RC3H2: variants seen among roughly 807,000 people sequenced by gnomAD.
RC3H2 encodes ring finger and CCCH-type domains 2, also known as roquin-2.
Under a neutral mutation model 133.3 loss-of-function variants are expected in RC3H2, and 31 were observed. The ratio of observed to expected loss-of-function variants is 0.23; its 90% CI spans 0.17 to 0.31. RC3H2 has a LOEUF of 0.31. Ranked by LOEUF, RC3H2 falls within the 10% of genes least tolerant of loss-of-function variation. RC3H2 has a pLI of 1.00. For missense variants in RC3H2, 1,175 were observed against 1,437.2 expected (o/e 0.82, Z 2.95); for synonymous variants, 517 against 502.2 (o/e 1.03, Z -0.40).
chr9:122,889,091 T>A (rs1832053601), intron 4 of RC3H2, among the ~76,000 whole-genome samples: 1 of 152,214 alleles, frequency 6.6e-6, no homozygotes. Flanking sequence ...TTTTTAGACA[T>A]ACCTTATATA....
chr9:122,865,009 T>C (rs1021793483), intron 10 of RC3H2, among the ~76,000 whole-genome samples: 4 of 152,236 alleles, frequency 2.6e-5, no homozygotes, highest in Admixed American at 2.6e-4. Context: ...CTGCTTAGGT[T>C]TCTATTTAGT....
chr9:122,861,146 A>G (rs1395251027), intron 10 of RC3H2, among the ~76,000 whole-genome samples: 1 of 152,184 alleles, frequency 6.6e-6, no homozygotes, highest in Non-Finnish European at 1.5e-5. Flanking sequence ...TGGTTGAGTC[A>G]CTAAGTAATC....
chr9:122,875,432 TATAA>T, intron 9 of RC3H2: 10 of 1,452,012 alleles, frequency 6.9e-6, no homozygotes, highest in East Asian at 2.5e-5. Context: ...AAAGGGTTTT[TATAA>T]ATAAAGTTTA....
At chr9:122,853,393 A>AAG (rs1554767389) in intron 18 of RC3H2, among the ~76,000 whole-genome samples, 7 of 151,268 alleles carry the variant, frequency 4.6e-5, no homozygotes, top group Admixed American at 2.0e-4. Context: ...AAAAAAAAAA[A>AAG]AAAAGAAAAA....
intron 10 of RC3H2, among the ~76,000 whole-genome samples, chr9:122,863,423 A>G (rs1830529987): frequency 6.6e-6 from 1 of 152,322 alleles, no homozygotes; most frequent in Admixed American, 6.5e-5. Flanking sequence ...AAGCCTTCAG[A>G]TCTAAAAGAC....
chr9:122,892,819 A>G (rs1190308004), intron 3 of RC3H2, 90 bp downstream of exon 3: 2 of 963,624 alleles, frequency 2.1e-6, no homozygotes, highest in South Asian at 1.5e-5. Flanking sequence ...CTCCTTTTCC[A>G]TAACTTAATA....
chr9:122,859,876 CAA>C, intron 11 of RC3H2, 39 bp downstream of exon 11: 1 of 1,435,646 alleles, frequency 7.0e-7, no homozygotes, highest in Non-Finnish European at 9.8e-7. Flanking sequence ...CTAAAGGAAA[CAA>C]TGTTTCTTTT....
At chr9:122,853,908 A>G (rs1296413121) in intron 18 of RC3H2, 44 bp downstream of exon 18, 1 of 1,614,242 alleles carries the variant, frequency 6.2e-7, no homozygotes, top group Admixed American at 1.7e-5. Context: ...AGCAGCAGAA[A>G]ACAAATACAT....
In RC3H2 at chr9:122,859,017, G is replaced by A; in HGVS notation, c.1935C>T (p.Ser645=). 6.2e-7 allele frequency: 1 copy of A among 1,613,920 alleles called. No homozygotes were observed. The highest frequency in any genetic ancestry group is 1.1e-5 in the South Asian group (1 of 91,056). ...RFVRSNNVPE[S]SLPPASMPYA... The stretch of plus-strand genomic sequence containing the variant: ...ATGGCATGGAAGCAGGTGGGAGGGA[G>A]GACTCTGGAACGTTATTGGACCTCA... Residue 645 remains serine, a synonymous_variant, in exon 12 of 21, where the codon TCC becomes TCT. Transcript: ENST00000357244.
intron 11 of RC3H2, among the ~76,000 whole-genome samples, 184 bp from the exon 12 acceptor site, chr9:122,859,286 G>T (rs1490298793): frequency 1.0e-5 from 1 of 98,678 alleles, no homozygotes; most frequent in Non-Finnish European, 1.8e-5. Flanking sequence ...GTAGAGACAG[G>T]GTCTTGCTAT....
chr9:122,852,619 C>T lies in RC3H2; in HGVS notation c.3118-1183G>A, dbSNP rs112778103. Among the ~76,000 whole-genome samples the T allele has an allele frequency of 3.8e-3, 575 of 150,714 alleles. 6 individuals are homozygous for T. The highest frequency in any genetic ancestry group is 0.013 in the African/African-American group (550 of 41,058). ...CCCCGGCCCGGCCAGCCGCCCTGAC[C>T]GGGAGGGAGGTGGAGGGGTCAGCTC... On this transcript the variant is annotated intron_variant, in intron 18 of 20. Transcript: ENST00000357244.
rs117069586 is a variant in RC3H2 at position 122,892,395 on chromosome 9, G to A, written c.349+514C>T. 4.8e-3 allele frequency among the ~76,000 whole-genome samples: 736 copies of A among 151,956 alleles called. 7 individuals carry two copies. The highest frequency in any genetic ancestry group is 0.027 in the South Asian group (130 of 4,814). ...TATAAAGTGCTCAGATTACAGGCATGAAGCCACCACACCCAGCTTGAATTC... is the reference window on the plus strand; with the variant it reads ...TATAAAGTGCTCAGATTACAGGCATAAAGCCACCACACCCAGCTTGAATTC... On this transcript the variant is annotated intron_variant, in intron 3 of 20. Transcript: ENST00000357244.
chr9:122,866,937 C>T (rs1830708169), intron 9 of RC3H2, among the ~76,000 whole-genome samples: 1 of 148,182 alleles, frequency 6.7e-6, no homozygotes. Context: ...TGCCCGGCCG[C>T]CATCCCATCT....
Position 122,897,357 on chromosome 9 carries a change from A to C in RC3H2, c.153T>G (p.Pro51=), listed in dbSNP as rs1385061590. 6.2e-7 allele frequency: 1 copy of C among 1,614,246 alleles called. No individual in the cohort carries two copies. The highest frequency in any genetic ancestry group is 2.2e-5 in the East Asian group (1 of 44,894). The stretch of plus-strand genomic sequence containing the variant: ...CTGTGTTGATGGCAGTCTGGTCAAA[A>C]GGACAAGCTTTTCGATGAAGTTTAT... ...CLNKLHRKAC[P]FDQTAINTDI... is the part of the protein sequence containing the mutation. Residue 51 remains proline, a synonymous_variant, in exon 2 of 21, where the codon CCT becomes CCG. Coordinates refer to ENST00000357244, the MANE Select transcript of RC3H2 (RefSeq NM_001100588.3).
intron 9 of RC3H2, among the ~76,000 whole-genome samples, chr9:122,868,126 C>T (rs949894021): frequency 3.4e-5 from 5 of 145,702 alleles, no homozygotes; most frequent in Admixed American, 6.8e-5. Context: ...GTGGGGGTGT[C>T]AGCCCCCCGC....
chr9:122,851,564 C>A, intron 18 of RC3H2, 128 bp from the exon 19 acceptor site: 2 of 1,254,528 alleles, frequency 1.6e-6, no homozygotes, highest in African/African-American at 1.5e-5. Flanking sequence ...CTGGACTATA[C>A]TGCTGCCATC....
rs567178461 is a variant in RC3H2 at position 122,863,025 on chromosome 9, T to C, written c.1634+2324A>G. ...AAGGCTGTCCAATTATCACCACTAA[T>C]TCTGAAACATTTTCATCATCCCCAA... On this transcript the variant is annotated intron_variant, in intron 10 of 20. Coordinates refer to ENST00000357244, the MANE Select transcript of RC3H2 (RefSeq NM_001100588.3). Among the ~76,000 whole-genome samples, 8 of 152,268 alleles carry C rather than the reference T, an allele frequency of 5.3e-5. No individual in the cohort carries two copies. In the South Asian group the frequency reaches 1.4e-3, roughly 28 times the overall value.
At chr9:122,889,124 T>C (rs1375155103) in intron 4 of RC3H2, among the ~76,000 whole-genome samples, 1 of 152,202 alleles carries the variant, frequency 6.6e-6, no homozygotes, top group Non-Finnish European at 1.5e-5. Context: ...GTCCTCTGTG[T>C]ATGTTTGTTA....
rs1324575983 is a variant in RC3H2, at chr9:122,846,327, G to C, written c.*3300C>G. ...TGGGAAGGAAAAATCAGTGCCACTG[G>C]CCTAATGAACTCCCTTTTTTTTGAA... On this transcript the variant is annotated 3_prime_UTR_variant, in exon 21 of 21. Coordinates refer to ENST00000357244, the MANE Select transcript of RC3H2 (RefSeq NM_001100588.3). 6.6e-6 allele frequency: 1 copy of C among 152,106 alleles called. No individual in the cohort carries two copies. Among genetic ancestry groups the C allele is most frequent in the Non-Finnish European group, 1.5e-5 (1 of 68,014 alleles). 9.4% of individuals were successfully genotyped at this position (152,106 alleles called of 1,614,324 possible).
Sources: gnomAD v4.1 joint callset for allele counts (sites outside exome capture counted in the v4.1 genomes callset) on GRCh38, gnomAD v4.1.1 for gene constraint, MANE v1.5 for transcripts, NCBI Gene and HGNC (gene_info 2026-07-23, HGNC 2026-07-21) for gene names.